CEP112: variants seen among roughly 807,000 people sequenced by gnomAD.
The protein encoded by CEP112 is centrosomal protein 112, also known as centrosomal protein of 112 kDa.
In CEP112, 127 loss-of-function variants were observed where a neutral mutation model predicts 153.0. The observed-to-expected ratio is 0.83, with a 90% CI of 0.72 to 0.96. CEP112 has a LOEUF of 0.96. Ranked by LOEUF, CEP112 falls within the 40% of genes least tolerant of loss-of-function variation. CEP112 has a pLI of 0.00. For synonymous variants in CEP112, 358 were observed against 374.4 expected, an observed-to-expected ratio of 0.96 and a Z score of 0.51; for missense variants, 1,089 against 1,101.2, an observed-to-expected ratio of 0.99 and a Z score of 0.16.
At chr17:65,792,608 GTGTTA>G (rs2054656628) in intron 21 of CEP112, among the ~76,000 whole-genome samples, 1 of 151,810 alleles carries the variant, frequency 6.6e-6, no homozygotes, top group Non-Finnish European at 1.5e-5. Context: ...AATTTACGTT[GTGTTA>G]TGTTACATAA....
rs536460425 is a variant in CEP112 at position 65,925,580 on chromosome 17, C to T, written c.1980+2002G>A. On this transcript the variant is annotated intron_variant, in intron 19 of 26. Coordinates refer to ENST00000535342, the MANE Select transcript of CEP112 (RefSeq NM_001199165.4). ...TGATGAAGAATGTGCCTTTAAAATC[C>T]AGTTCCAGCATTTTCTACGTTTTTA... Among the ~76,000 whole-genome samples, 20 of 152,230 alleles carry T rather than the reference C, an allele frequency of 1.3e-4. 1 individual carries two copies. The highest frequency in any genetic ancestry group is 1.2e-3 in the Admixed American group (18 of 15,288).
intron 8 of CEP112, among the ~76,000 whole-genome samples, chr17:66,088,965 G>A (rs1270016180): frequency 6.6e-6 from 1 of 152,134 alleles, no homozygotes; most frequent in East Asian, 1.9e-4. Context: ...CTTCAGGCTA[G>A]CCCTGGTGGA....
chr17:66,111,727 G>A (rs1182612926), intron 6 of CEP112, among the ~76,000 whole-genome samples: 2 of 152,042 alleles, frequency 1.3e-5, no homozygotes, highest in Non-Finnish European at 2.9e-5. Flanking sequence ...GGTGGGAGGA[G>A]GGAGAAGAGA....
At chr17:66,048,816 C>T (rs2066321554) in intron 12 of CEP112, among the ~76,000 whole-genome samples, 1 of 152,068 alleles carries the variant, frequency 6.6e-6, no homozygotes, top group African/African-American at 2.4e-5. Flanking sequence ...TCCATGTTGG[C>T]CAGGCTGATC....
chr17:66,093,184 T>TTA lies in CEP112; in HGVS notation c.768+3065_768+3066dup, dbSNP rs146566308. Among the ~76,000 whole-genome samples, 27 of 151,452 alleles carry TTA rather than the reference T, an allele frequency of 1.8e-4. 1 individual carries two copies. The highest frequency in any genetic ancestry group is 1.5e-3 in the South Asian group (7 of 4,782). The stretch of plus-strand genomic sequence containing the variant: ...CCTTGTCTCTACCAAAAAAATAAAA[T>TTA]TATATATATATATGGCACACAGTGG... On this transcript the variant is annotated intron_variant, in intron 8 of 26. Transcript: ENST00000535342.
chr17:66,033,838 A>G (rs2145760667), intron 12 of CEP112, among the ~76,000 whole-genome samples: 1 of 152,334 alleles, frequency 6.6e-6, no homozygotes, highest in Middle Eastern at 3.4e-3. Context: ...TTTCTAGCAC[A>G]CTGCTTAGCT....
At chr17:65,971,339 T>C (rs2062784600) in intron 17 of CEP112, among the ~76,000 whole-genome samples, 1 of 151,182 alleles carries the variant, frequency 6.6e-6, no homozygotes, top group Non-Finnish European at 1.5e-5. Flanking sequence ...ATATTACATG[T>C]ATATGTATTT....
chr17:65,783,574 T>C (rs866448194), intron 21 of CEP112, among the ~76,000 whole-genome samples: 5 of 152,220 alleles, frequency 3.3e-5, no homozygotes, highest in Admixed American at 1.3e-4. Flanking sequence ...AAGAAAATTG[T>C]TGTATAAAAA....
intron 26 of CEP112, chr17:65,636,563 G>C (rs1235288322): frequency 6.4e-6 from 1 of 155,178 alleles, no homozygotes; most frequent in Non-Finnish European, 1.4e-5. Flanking sequence ...GCCTGGACCT[G>C]CCATGCCCCT....
At chr17:66,181,014 G>T (rs2072696837) in intron 2 of CEP112, among the ~76,000 whole-genome samples, 2 of 152,070 alleles carry the variant, frequency 1.3e-5, no homozygotes, top group Non-Finnish European at 2.9e-5. Context: ...AAATACAAAA[G>T]TGAAACTGAT....
intron 12 of CEP112, among the ~76,000 whole-genome samples, chr17:66,042,354 A>G (rs1366808070): frequency 6.6e-6 from 1 of 152,144 alleles, no homozygotes; most frequent in Non-Finnish European, 1.5e-5. Context: ...TCTCAACAAA[A>G]TAAAATAATA....
intron 24 of CEP112, among the ~76,000 whole-genome samples, chr17:65,660,938 T>C (rs1414233791): frequency 6.6e-6 from 1 of 152,170 alleles, no homozygotes. Flanking sequence ...CATGTTTCTC[T>C]AAAATGCAGA....
intron 1 of CEP112, among the ~76,000 whole-genome samples, chr17:66,183,681 A>G (rs1210367574): frequency 4.6e-5 from 7 of 152,138 alleles, no homozygotes; most frequent in African/African-American, 1.7e-4. Context: ...CAAAACAAAC[A>G]TAAACAACTG....
intron 17 of CEP112, among the ~76,000 whole-genome samples, chr17:65,986,908 G>GA (rs1002894254): frequency 6.6e-6 from 1 of 152,062 alleles, no homozygotes; most frequent in Non-Finnish European, 1.5e-5. Context: ...ACTAATATCA[G>GA]AAAGTCCCTA....
chr17:65,645,739 AT>A (rs1410378803), intron 24 of CEP112, among the ~76,000 whole-genome samples: 2 of 152,182 alleles, frequency 1.3e-5, no homozygotes, highest in African/African-American at 4.8e-5. Flanking sequence ...GTAATTTTCC[AT>A]TTGATATACA....
chr17:66,071,839 G>A (rs2067317984), intron 8 of CEP112, among the ~76,000 whole-genome samples: 1 of 152,034 alleles, frequency 6.6e-6, no homozygotes. Flanking sequence ...GAAATACGAG[G>A]GAAGCAAACT....
At chr17:65,889,959 G>T (rs2059406439) in intron 20 of CEP112, among the ~76,000 whole-genome samples, 1 of 151,984 alleles carries the variant, frequency 6.6e-6, no homozygotes, top group African/African-American at 2.4e-5. Flanking sequence ...ATTGTTGACA[G>T]TTATGGTCTC....
intron 16 of CEP112, among the ~76,000 whole-genome samples, chr17:66,024,786 A>C (rs191227882): frequency 4.4e-4 from 67 of 152,268 alleles, no homozygotes; most frequent in African/African-American, 1.6e-3. Context: ...TCAGACTTAG[A>C]AAAAACAATC....
At chr17:65,868,100 G>A (rs545922365) in intron 20 of CEP112, among the ~76,000 whole-genome samples, 1 of 152,002 alleles carries the variant, frequency 6.6e-6, no homozygotes, top group African/African-American at 2.4e-5. Flanking sequence ...TTTGGTTCTT[G>A]TTCGTTATGT....
Sources: gnomAD v4.1 joint callset for allele counts (sites outside exome capture counted in the v4.1 genomes callset) on GRCh38, gnomAD v4.1.1 for gene constraint, MANE v1.5 for transcripts, NCBI Gene and HGNC (gene_info 2026-07-23, HGNC 2026-07-21) for gene names.